Variants in KHDRBS3 observed in about 807,000 individuals in gnomAD.
KHDRBS3 encodes KH RNA binding domain containing, signal transduction associated 3, also known as KH domain-containing, RNA-binding, signal transduction-associated protein 3.
A neutral mutation model predicts 45.6 loss-of-function variants in KHDRBS3; 23 were observed. The ratio of observed to expected loss-of-function variants is 0.50; its 90% confidence interval spans 0.36 to 0.72. KHDRBS3 has a LOEUF of 0.72. Among genes scored for constraint, KHDRBS3 ranks in the 30% least tolerant of loss-of-function variants. KHDRBS3 has a pLI of 0.00. For synonymous variants in KHDRBS3, 162 were observed against 156.5 expected (o/e 1.04, Z -0.26); for missense variants, 352 against 424.8 (o/e 0.83, Z 1.51).
At position 135,495,581 on chromosome 8, in the gene KHDRBS3, C is replaced by G. The variant is rs189796361; in HGVS notation, c.89-25656C>G. On this transcript the variant is annotated intron_variant, in intron 1 of 8. Transcript: ENST00000355849. ...TTTGTGCCAGTAAACAGCACTTTTA[C>G]TCCCACTTCACCCTAGTGTCTGTTG... Among the ~76,000 whole-genome samples the G allele has an allele frequency of 2.0e-5, 3 of 152,348 alleles. No individual in the cohort carries two copies. In the East Asian group the frequency reaches 5.8e-4, roughly 29 times the overall value.
chr8:135,599,084 G>A (rs1337294871), intron 6 of KHDRBS3, among the ~76,000 whole-genome samples: 2 of 152,182 alleles, frequency 1.3e-5, no homozygotes, highest in African/African-American at 4.8e-5. Flanking sequence ...TTTAAAGCAA[G>A]ATTTCTCTGT....
At chr8:135,570,282 A>T (rs2130881862) in intron 5 of KHDRBS3, among the ~76,000 whole-genome samples, 1 of 152,330 alleles carries the variant, frequency 6.6e-6, no homozygotes, top group South Asian at 2.1e-4. Flanking sequence ...AGTGTTACAT[A>T]CTGAATAGAA....
At chr8:135,651,583 A>G (rs999052842), downstream of KHDRBS3, among the ~76,000 whole-genome samples, 9 of 152,132 alleles carry the variant, frequency 5.9e-5, no homozygotes, top group African/African-American at 2.2e-4. Flanking sequence ...TTTCAAGTGT[A>G]GTATCCTCTT....
At chr8:135,619,221 G>A (rs1830039123) in intron 7 of KHDRBS3, among the ~76,000 whole-genome samples, 1 of 152,100 alleles carries the variant, frequency 6.6e-6, no homozygotes, top group Non-Finnish European at 1.5e-5. Context: ...CATTTATAAG[G>A]ATTGCTGTAC....
intron 1 of KHDRBS3, among the ~76,000 whole-genome samples, chr8:135,507,299 G>A (rs1824053261): frequency 6.6e-6 from 1 of 152,102 alleles, no homozygotes; most frequent in South Asian, 2.1e-4. Flanking sequence ...ATCCATCTAA[G>A]GTACTTATTG....
At chr8:135,548,270 G>A (rs112128845) in intron 3 of KHDRBS3, among the ~76,000 whole-genome samples, 2 of 152,150 alleles carry the variant, frequency 1.3e-5, no homozygotes, top group Admixed American at 1.3e-4. Context: ...TTTTTACTAA[G>A]AGAAGATAGA....
intron 1 of KHDRBS3, among the ~76,000 whole-genome samples, chr8:135,474,639 AT>A (rs1478825001): frequency 6.6e-6 from 1 of 152,174 alleles, no homozygotes; most frequent in Non-Finnish European, 1.5e-5. Context: ...TTCTTAAGAG[AT>A]TTTATTTTAG....
intron 5 of KHDRBS3, among the ~76,000 whole-genome samples, chr8:135,576,077 C>T (rs1177452905): frequency 6.6e-6 from 1 of 152,088 alleles, no homozygotes; most frequent in Non-Finnish European, 1.5e-5. Flanking sequence ...GATTTGTTTT[C>T]ATCATTAACC....
intron 2 of KHDRBS3, among the ~76,000 whole-genome samples, chr8:135,528,395 ATCG>A (rs112345482): frequency 2.4e-4 from 36 of 152,302 alleles, no homozygotes; most frequent in African/African-American, 7.9e-4. Flanking sequence ...CATGGAAATC[ATCG>A]TGGATTTACA....
chr8:135,628,014 A>G, intron 7 of KHDRBS3, among the ~76,000 whole-genome samples: 1 of 152,130 alleles, frequency 6.6e-6, no homozygotes, highest in Non-Finnish European at 1.5e-5. Flanking sequence ...TATGCCTCTG[A>G]TTAGCTGCTT....
intron 1 of KHDRBS3, among the ~76,000 whole-genome samples, chr8:135,499,443 T>C (rs535140363): frequency 5.3e-5 from 8 of 152,346 alleles, no homozygotes; most frequent in African/African-American, 1.9e-4. Flanking sequence ...CTAATCCACC[T>C]TAATGCTATT....
In KHDRBS3 at chr8:135,609,322, T is replaced by C. The variant is rs1415802281; in HGVS notation, c.890+2285T>C. ...TTTTTTTTACTTTGTAAATTTTTTTTTCCCCTCTGTCACCCAGGCTGGAAT... is the reference window on the plus strand; with the variant it reads ...TTTTTTTTACTTTGTAAATTTTTTTCTCCCCTCTGTCACCCAGGCTGGAAT... On this transcript the variant is annotated intron_variant, in intron 7 of 8. Coordinates refer to ENST00000355849, the MANE Select transcript of KHDRBS3 (RefSeq NM_006558.3). 2.6e-5 allele frequency among the ~76,000 whole-genome samples: 4 copies of C among 152,002 alleles called. No individual in the cohort carries two copies. In the East Asian group the frequency reaches 5.8e-4, roughly 22 times the overall value.
At chr8:135,595,831 A>C (rs1828948205) in intron 6 of KHDRBS3, among the ~76,000 whole-genome samples, 1 of 152,224 alleles carries the variant, frequency 6.6e-6, no homozygotes, top group Non-Finnish European at 1.5e-5. Context: ...ACAGTGGTCG[A>C]CAGGCAGATG....
rs116863823 is a variant in KHDRBS3 at position 135,575,560 on chromosome 8, C to A, written c.612-6318C>A. Among the ~76,000 whole-genome samples, 23 of 152,246 alleles carry A rather than the reference C, an allele frequency of 1.5e-4. No individual in the cohort carries two copies. In the East Asian group the frequency reaches 4.2e-3, roughly 28 times the overall value. On this transcript the variant is annotated intron_variant, in intron 5 of 8. Transcript: ENST00000355849. ...CAACTATGTAATTTTAAAGAGTTTCCCATAAATCTCAGTCAGTGCTAATTA... is the reference window on the plus strand; with the variant it reads ...CAACTATGTAATTTTAAAGAGTTTCACATAAATCTCAGTCAGTGCTAATTA...
intron 5 of KHDRBS3, among the ~76,000 whole-genome samples, chr8:135,573,392 C>T (rs1015072858): frequency 1.6e-4 from 24 of 152,184 alleles, no homozygotes; most frequent in Non-Finnish European, 1.2e-4. Context: ...TTTCTGTCTC[C>T]TTCCCTTATC....
chr8:135,585,683 A>G (rs555301586), intron 6 of KHDRBS3, among the ~76,000 whole-genome samples: 28 of 152,330 alleles, frequency 1.8e-4, no homozygotes, highest in African/African-American at 6.5e-4. Flanking sequence ...TATGTAACAT[A>G]GTATTTAGTA....
intron 7 of KHDRBS3, among the ~76,000 whole-genome samples, chr8:135,632,545 C>G (rs1478293197): frequency 6.6e-6 from 1 of 152,138 alleles, no homozygotes; most frequent in Non-Finnish European, 1.5e-5. Context: ...CAGCAGCCTC[C>G]TCTCCAGAGG....
intron 1 of KHDRBS3, among the ~76,000 whole-genome samples, chr8:135,512,976 G>A (rs1200437982): frequency 6.6e-6 from 1 of 152,138 alleles, no homozygotes; most frequent in African/African-American, 2.4e-5. Flanking sequence ...ACTTTGGGAG[G>A]CCGAGGCGGG....
chr8:135,479,219 A>G (rs1204795281), intron 1 of KHDRBS3, among the ~76,000 whole-genome samples: 1 of 152,216 alleles, frequency 6.6e-6, no homozygotes, highest in African/African-American at 2.4e-5. Flanking sequence ...GATACCTTAG[A>G]TGAAATGGAC....
Sources: allele counts gnomAD v4.1 joint callset (sites outside exome capture counted in the v4.1 genomes callset), GRCh38; gene constraint gnomAD v4.1.1; transcripts MANE v1.5; gene names NCBI Gene and HGNC (gene_info 2026-07-23, HGNC 2026-07-21).